Variants in ESRRG observed in about 807,000 individuals in gnomAD.
The protein encoded by ESRRG is estrogen-related receptor gamma.
In ESRRG, 13 loss-of-function variants were observed where a neutral mutation model predicts 44.0. That is an observed-to-expected ratio of 0.30 (90% CI 0.19 to 0.47). The LOEUF is 0.47. ESRRG is among the 20% of genes least tolerant of loss of function. ESRRG has a pLI of 1.00. For missense variants in ESRRG, 395 were observed against 580.6 expected, an observed-to-expected ratio of 0.68 and a Z score of 3.29; for synonymous variants, 215 against 214.6, an observed-to-expected ratio of 1.00 and a Z score of -0.02.
chr1:217,079,740 G>T (rs1253893500), intron 1 of ESRRG, among the ~76,000 whole-genome samples: 3 of 152,184 alleles, frequency 2.0e-5, no homozygotes, highest in Non-Finnish European at 4.4e-5. Flanking sequence ...CACAGCGCCT[G>T]GCACGCATGC....
chr1:216,942,423 T>C (rs892941006), intron 1 of ESRRG, among the ~76,000 whole-genome samples: 2 of 152,194 alleles, frequency 1.3e-5, no homozygotes, highest in Non-Finnish European at 2.9e-5. Flanking sequence ...CCTTTGAGTA[T>C]ATATCCAGTA....
intron 1 of ESRRG, among the ~76,000 whole-genome samples, chr1:217,132,878 T>C (rs2102542526): frequency 6.6e-6 from 1 of 152,330 alleles, no homozygotes; most frequent in Non-Finnish European, 1.5e-5. Context: ...TGAAATTTCT[T>C]CTTTCTTCAC....
chr1:216,631,005 G>A (rs1219378629), intron 3 of ESRRG, among the ~76,000 whole-genome samples: 2 of 151,250 alleles, frequency 1.3e-5, no homozygotes, highest in African/African-American at 4.9e-5. Flanking sequence ...ATTTAGATTT[G>A]TCAGTGACGG....
intron 1 of ESRRG, among the ~76,000 whole-genome samples, chr1:216,995,907 C>T (rs1023001614): frequency 2.6e-5 from 4 of 152,116 alleles, no homozygotes; most frequent in African/African-American, 9.7e-5. Flanking sequence ...CCATTCACTC[C>T]TATGCACATA....
chr1:216,878,684 C>T (rs998323152), intron 2 of ESRRG, among the ~76,000 whole-genome samples: 3 of 152,092 alleles, frequency 2.0e-5, no homozygotes, highest in Non-Finnish European at 4.4e-5. Context: ...TTTGGTGCCA[C>T]CTTTAGTAAA....
At chr1:217,017,080 G>A (rs750720529) in intron 1 of ESRRG, among the ~76,000 whole-genome samples, 11 of 152,236 alleles carry the variant, frequency 7.2e-5, no homozygotes, top group Non-Finnish European at 1.2e-4. Flanking sequence ...CTATAGATCA[G>A]AAGTTGGGAC....
chr1:216,830,048 C>T (rs141445538), intron 2 of ESRRG, among the ~76,000 whole-genome samples: 2 of 152,272 alleles, frequency 1.3e-5, no homozygotes, highest in Non-Finnish European at 2.9e-5. Context: ...CACATGCACA[C>T]ACACAGGAAT....
At chr1:216,995,092 A>G (rs938836296) in intron 1 of ESRRG, among the ~76,000 whole-genome samples, 10 of 152,012 alleles carry the variant, frequency 6.6e-5, no homozygotes, top group Non-Finnish European at 1.2e-4. Flanking sequence ...GACTGAGATG[A>G]CTCTTCTGAA....
At chr1:216,727,080 A>G (rs1337093773), upstream of ESRRG, among the ~76,000 whole-genome samples, 1 of 152,202 alleles carries the variant, frequency 6.6e-6, no homozygotes, top group African/African-American at 2.4e-5. Flanking sequence ...AATTAACAGG[A>G]CTAACCTTCA....
intron 2 of ESRRG, among the ~76,000 whole-genome samples, chr1:216,669,451 G>A (rs554635580): frequency 1.3e-5 from 2 of 152,282 alleles, no homozygotes; most frequent in South Asian, 2.1e-4. Flanking sequence ...AATAAACACT[G>A]AACCTAACAA....
chr1:216,980,181 C>T (rs1411718184), intron 1 of ESRRG, among the ~76,000 whole-genome samples: 1 of 152,152 alleles, frequency 6.6e-6, no homozygotes, highest in East Asian at 1.9e-4. Flanking sequence ...AGCATTAATG[C>T]TTGCGTTCCA....
At position 216,624,000 on chromosome 1, in the gene ESRRG, C is replaced by A. The variant is rs555707021; in HGVS notation, c.589+26973G>T. On this transcript the variant is annotated intron_variant, in intron 3 of 6. Coordinates refer to ENST00000408911, the MANE Select transcript of ESRRG (RefSeq NM_001438.4). ...CTACTAGCCAAGTCCATACCTAAGACCAATAATGTTTGGAAAAGATCTGGA... is the reference window on the plus strand; with the variant it reads ...CTACTAGCCAAGTCCATACCTAAGAACAATAATGTTTGGAAAAGATCTGGA... Among the ~76,000 whole-genome samples the A allele has an allele frequency of 2.0e-5, 3 of 152,118 alleles. No individual in the cohort carries two copies. In the East Asian group the frequency reaches 5.8e-4, roughly 30 times the overall value.
chr1:217,037,710 T>A (rs2083152102), intron 1 of ESRRG, among the ~76,000 whole-genome samples: 1 of 151,868 alleles, frequency 6.6e-6, no homozygotes, highest in South Asian at 2.1e-4. Flanking sequence ...AACTCAAAAG[T>A]CCACAGTCCA....
At chr1:216,886,204 T>C (rs2096515950) in intron 2 of ESRRG, among the ~76,000 whole-genome samples, 1 of 152,118 alleles carries the variant, frequency 6.6e-6, no homozygotes, top group African/African-American at 2.4e-5. Context: ...ACTATATGCA[T>C]CCACTTCATT....
intron 1 of ESRRG, among the ~76,000 whole-genome samples, chr1:217,135,893 A>G (rs1457241005): frequency 6.6e-6 from 1 of 152,206 alleles, no homozygotes; most frequent in Non-Finnish European, 1.5e-5. Flanking sequence ...TAAGAGGAGC[A>G]GGCGTGCATT....
At chr1:216,737,795 A>C (rs1443959513) in intron 2 of ESRRG, among the ~76,000 whole-genome samples, 1 of 152,090 alleles carries the variant, frequency 6.6e-6, no homozygotes, top group East Asian at 1.9e-4. Context: ...AAAAACAATA[A>C]ACTTATCTGC....
chr1:216,772,850 A>ATTT (rs5742079), intron 2 of ESRRG, among the ~76,000 whole-genome samples: 1 of 147,620 alleles, frequency 6.8e-6, no homozygotes, highest in African/African-American at 2.5e-5. Context: ...GCACTAGCAC[A>ATTT]TTTTTTTTTT....
rs567552844 is a variant in ESRRG at position 217,016,991 on chromosome 1, T to C, written c.-106+72516A>G. 4.6e-5 allele frequency among the ~76,000 whole-genome samples: 7 copies of C among 152,326 alleles called. No homozygotes were observed. In the South Asian group the frequency reaches 1.0e-3, roughly 23 times the overall value. On this transcript the variant is annotated intron_variant, in intron 1 of 7. Transcript: ENST00000359162. ...AACCGAAAAGCCTGTTGTCACTTTT[T>C]AACAGACTGCAAATCAATAAGTGAT... is the stretch of plus-strand genomic sequence containing the variant.
chr1:216,542,247 T>C (rs1038975559), intron 5 of ESRRG, among the ~76,000 whole-genome samples: 5 of 152,006 alleles, frequency 3.3e-5, no homozygotes, highest in Non-Finnish European at 7.4e-5. Flanking sequence ...TGAACTATTT[T>C]CTATGTTCCT....
Sources: gnomAD v4.1 joint callset for allele counts (sites outside exome capture counted in the v4.1 genomes callset) on GRCh38, gnomAD v4.1.1 for gene constraint, MANE v1.5 for transcripts, NCBI Gene and HGNC (gene_info 2026-07-23, HGNC 2026-07-21) for gene names.